The following THRB variants were observed in gnomAD, a reference collection of about 807,000 sequenced individuals.
THRB encodes thyroid hormone receptor beta, also known as nuclear receptor subfamily 1 group A member 2.
In THRB, 12 loss-of-function variants were observed where a neutral mutation model predicts 47.8. That is an observed-to-expected ratio of 0.25 (90% CI 0.16 to 0.41). THRB has a LOEUF of 0.41. Ranked by LOEUF, THRB falls within the 10% of genes least tolerant of loss-of-function variation. The probability of loss-of-function intolerance (pLI) is 1.00; values close to 1 mark genes in which losing one functional copy is unlikely to be tolerated. For missense variants in THRB, 348 were observed against 589.2 expected (o/e 0.59, Z 4.24); for synonymous variants, 218 against 212.2 (o/e 1.03, Z -0.24).
At chr3:24,247,033 C>T (rs1024784439) in intron 3 of THRB, among the ~76,000 whole-genome samples, 6 of 152,158 alleles carry the variant, frequency 3.9e-5, no homozygotes, top group Admixed American at 3.9e-4. Flanking sequence ...ATATGATATG[C>T]TTGAATGTGT....
At chr3:24,415,148 G>C (rs913241733) in intron 1 of THRB, among the ~76,000 whole-genome samples, 2 of 151,796 alleles carry the variant, frequency 1.3e-5, no homozygotes, top group African/African-American at 4.8e-5. Context: ...AAAGATTCAG[G>C]TTTGGTAAGC....
chr3:24,153,533 TA>T (rs890453314), intron 5 of THRB, among the ~76,000 whole-genome samples: 2 of 152,222 alleles, frequency 1.3e-5, no homozygotes, highest in Non-Finnish European at 2.9e-5. Context: ...CTCTCTTTTT[TA>T]GTGGACAATG....
intron 3 of THRB, among the ~76,000 whole-genome samples, chr3:24,243,608 C>G (rs531193135): frequency 6.6e-6 from 1 of 152,236 alleles, no homozygotes; most frequent in African/African-American, 2.4e-5. Context: ...CCTGCCCCTT[C>G]CCTGGGCACG....
chr3:24,228,942 C>T lies in THRB; in HGVS notation c.18G>A (p.Met6Ile), dbSNP rs1452039785. The T allele has an allele frequency of 6.2e-7, 1 of 1,611,650 alleles. No homozygotes were observed. The highest frequency in any genetic ancestry group is 1.1e-5 in the South Asian group (1 of 90,286). MTPNS[M>I]TENGLTAWDK... The stretch of plus-strand genomic sequence containing the variant: ...AATGTAAAAAAAAAAAGATACCTGT[C>T]ATACTGTTGGGAGTCATAGGTTAGT... Residue 6 changes from methionine to isoleucine, a missense_variant, in exon 4 of 11, where the codon ATG (methionine) becomes ATA (isoleucine). Physicochemically the swap from Met to Ile is conservative, Grantham distance 10. Coordinates refer to ENST00000646209, the MANE Select transcript of THRB (RefSeq NM_001354712.2).
At chr3:24,217,991 G>T (rs975500695) in intron 4 of THRB, among the ~76,000 whole-genome samples, 3 of 152,154 alleles carry the variant, frequency 2.0e-5, no homozygotes, top group African/African-American at 4.8e-5. Flanking sequence ...TCCTGGCCGG[G>T]TGCTGTGGCT....
At chr3:24,374,028 G>A (rs1334503379) in intron 1 of THRB, among the ~76,000 whole-genome samples, 1 of 151,868 alleles carries the variant, frequency 6.6e-6, no homozygotes, top group Non-Finnish European at 1.5e-5. Context: ...TGATTCTGGG[G>A]GCTGCCCAAT....
At chr3:24,137,549 A>C (rs1376398683) in intron 8 of THRB, among the ~76,000 whole-genome samples, 3 of 152,178 alleles carry the variant, frequency 2.0e-5, no homozygotes, top group Non-Finnish European at 2.9e-5. Context: ...TTAGGGCCAG[A>C]GGAAGAACAC....
At chr3:24,127,354 C>A in intron 10 of THRB, 145 bp downstream of exon 10, 1 of 845,550 alleles carries the variant, frequency 1.2e-6, no homozygotes, top group South Asian at 1.6e-5. Flanking sequence ...GTTCCCAGTC[C>A]ACTGGCAAAC....
chr3:24,469,576 G>A (rs185495647), intron 1 of THRB, among the ~76,000 whole-genome samples: 2 of 152,270 alleles, frequency 1.3e-5, no homozygotes, highest in African/African-American at 4.8e-5. Flanking sequence ...CTTCTGAAGA[G>A]TATAATGAAA....
At chr3:24,219,220 G>C (rs1003912452) in intron 4 of THRB, among the ~76,000 whole-genome samples, 4 of 152,174 alleles carry the variant, frequency 2.6e-5, no homozygotes, top group Non-Finnish European at 5.9e-5. Flanking sequence ...TCCTTGGGAG[G>C]AGGAGGTCAC....
At chr3:24,250,833 G>A (rs922445383) in intron 3 of THRB, among the ~76,000 whole-genome samples, 1 of 151,988 alleles carries the variant, frequency 6.6e-6, no homozygotes, top group Non-Finnish European at 1.5e-5. Flanking sequence ...AAATAAGAAA[G>A]AATACCAGAA....
intron 5 of THRB, among the ~76,000 whole-genome samples, chr3:24,183,144 G>A (rs771190841): frequency 1.2e-4 from 18 of 151,810 alleles, no homozygotes; most frequent in Non-Finnish European, 2.2e-4. Context: ...TGCACATGAT[G>A]TTTTGTTTGG....
chr3:24,491,848 T>A (rs1438541195), intron 1 of THRB, among the ~76,000 whole-genome samples: 5 of 152,226 alleles, frequency 3.3e-5, no homozygotes, highest in African/African-American at 1.2e-4. Context: ...GTCAATGTCT[T>A]CCAGGGATCA....
chr3:24,302,728 T>C (rs2057038123), intron 2 of THRB, among the ~76,000 whole-genome samples: 1 of 152,228 alleles, frequency 6.6e-6, no homozygotes, highest in Admixed American at 6.5e-5. Flanking sequence ...TTTGTATTTT[T>C]CCCCATAGCA....
intron 4 of THRB, 145 bp from the exon 5 acceptor site, chr3:24,190,479 G>A: frequency 1.9e-6 from 2 of 1,063,274 alleles, no homozygotes; most frequent in South Asian, 2.6e-5. Context: ...ATAAGATGCA[G>A]AATTTGTCAG....
intron 1 of THRB, among the ~76,000 whole-genome samples, chr3:24,370,386 G>C (rs1360599700): frequency 6.6e-6 from 1 of 151,880 alleles, no homozygotes; most frequent in Non-Finnish European, 1.5e-5. Flanking sequence ...GGTCCCCTTT[G>C]TGCCCCTCTG....
chr3:24,158,607 T>C (rs1350686790), intron 5 of THRB, among the ~76,000 whole-genome samples: 1 of 152,086 alleles, frequency 6.6e-6, no homozygotes, highest in Non-Finnish European at 1.5e-5. Flanking sequence ...ATTTGTTATT[T>C]TTAGTAGAGA....
intron 3 of THRB, among the ~76,000 whole-genome samples, chr3:24,270,853 A>G (rs1210710855): frequency 6.6e-6 from 1 of 152,194 alleles, no homozygotes; most frequent in East Asian, 1.9e-4. Flanking sequence ...TTGTTAATTA[A>G]AAAGAATTGA....
chr3:24,395,803 C>A (rs965334422), intron 1 of THRB, among the ~76,000 whole-genome samples: 2 of 152,042 alleles, frequency 1.3e-5, no homozygotes, highest in Non-Finnish European at 2.9e-5. Flanking sequence ...CACAAAAAAA[C>A]TTGTACATGA....
Sources: allele counts gnomAD v4.1 joint callset (sites outside exome capture counted in the v4.1 genomes callset), GRCh38; gene constraint gnomAD v4.1.1; transcripts MANE v1.5; gene names NCBI Gene and HGNC (gene_info 2026-07-23, HGNC 2026-07-21).